Variants in APBA2 observed in about 807,000 individuals in gnomAD.
APBA2 encodes amyloid beta precursor protein binding family A member 2.
Under a neutral mutation model 75.0 loss-of-function variants are expected in APBA2, and 30 were observed. That is an observed-to-expected ratio of 0.40 (90% CI 0.30 to 0.54). The LOEUF is 0.54. APBA2 is among the 20% of genes least tolerant of loss of function. The probability of loss-of-function intolerance (pLI) is 0.49; values close to 1 mark genes in which losing one functional copy is unlikely to be tolerated. For synonymous variants in APBA2, 444 were observed against 409.6 expected (o/e 1.08, Z -1.01); for missense variants, 801 against 1,016.1 (o/e 0.79, Z 2.88).
At chr15:29,115,498 G>C (rs916988444) in intron 14 of APBA2, among the ~76,000 whole-genome samples, 5 of 152,052 alleles carry the variant, frequency 3.3e-5, no homozygotes, top group African/African-American at 1.2e-4. Flanking sequence ...TGAAGCGGCC[G>C]CCCCCACGGC....
At chr15:28,990,080 T>G (rs2038140593) in intron 2 of APBA2, among the ~76,000 whole-genome samples, 1 of 152,146 alleles carries the variant, frequency 6.6e-6, no homozygotes, top group Non-Finnish European at 1.5e-5. Flanking sequence ...ACGGACTTAC[T>G]GAAGATTACA....
At chr15:28,925,897 A>G (rs11073257) in intron 2 of APBA2, among the ~76,000 whole-genome samples, 54,677 of 152,072 alleles carry the variant, frequency 0.36, 17,245 homozygotes, top group African/African-American at 0.84. Context: ...ACATCCTCTT[A>G]AAAATTGATT....
At chr15:29,057,636 T>C (rs972792022) in intron 4 of APBA2, among the ~76,000 whole-genome samples, 2 of 152,240 alleles carry the variant, frequency 1.3e-5, no homozygotes, top group African/African-American at 4.8e-5. Context: ...TGATAAATGT[T>C]TCTCCATGTC....
chr15:28,986,505 TA>T (rs1262973590), intron 2 of APBA2, among the ~76,000 whole-genome samples: 5 of 152,180 alleles, frequency 3.3e-5, no homozygotes, highest in Non-Finnish European at 5.9e-5. Flanking sequence ...TTTTAATTAT[TA>T]AAAAAATTTT....
At chr15:28,922,928 G>A (rs2034054267) in intron 2 of APBA2, among the ~76,000 whole-genome samples, 1 of 152,194 alleles carries the variant, frequency 6.6e-6, no homozygotes, top group Admixed American at 6.5e-5. Flanking sequence ...TGAGAGAACT[G>A]AGGTTGTTGC....
At chr15:29,081,041 G>C (rs555617439) in intron 6 of APBA2, among the ~76,000 whole-genome samples, 4 of 152,134 alleles carry the variant, frequency 2.6e-5, no homozygotes, top group African/African-American at 7.2e-5. Context: ...CATGTGGAAG[G>C]CATGGAGATT....
In APBA2 at chr15:29,054,517, C is replaced by T; in HGVS notation, c.633C>T (p.Arg211=). Residue 211 remains arginine, a synonymous_variant, in exon 4 of 15, where the codon CGC becomes CGT. Coordinates refer to ENST00000683413, the MANE Select transcript of APBA2 (RefSeq NM_001353788.2). The surrounding 1 kb of genome is among the most constrained non-coding windows in gnomAD (Gnocchi z 6.1). The stretch of plus-strand genomic sequence containing the variant: ...GGAACACCGGCGCCTCCCCCTACCG[C>T]CTGAGGCGTGGGGATGGGGACCTGG... ...ANGNTGASPY[R]LRRGDGDLED... 6.2e-7 allele frequency: 1 copy of T among 1,613,490 alleles called. No individual in the cohort carries two copies. The highest frequency in any genetic ancestry group is 8.5e-7 in the Non-Finnish European group (1 of 1,179,748).
At chr15:29,015,331 TC>T (rs1346186778) in intron 3 of APBA2, among the ~76,000 whole-genome samples, 1 of 152,164 alleles carries the variant, frequency 6.6e-6, no homozygotes. Flanking sequence ...TTCATTTATT[TC>T]TTTACAGCAT....
At chr15:28,974,379 G>T (rs1271262014) in intron 2 of APBA2, among the ~76,000 whole-genome samples, 1 of 152,200 alleles carries the variant, frequency 6.6e-6, no homozygotes, top group Non-Finnish European at 1.5e-5. Context: ...GGGACACGCA[G>T]TTCCAGGACA....
chr15:29,084,056 G>A (rs2152936558), intron 6 of APBA2, among the ~76,000 whole-genome samples: 1 of 152,250 alleles, frequency 6.6e-6, no homozygotes, highest in South Asian at 2.1e-4. Context: ...TTTTGTAAAT[G>A]CTGACTTTCA....
chr15:28,982,018 G>A (rs922999168), intron 2 of APBA2, among the ~76,000 whole-genome samples: 8 of 152,160 alleles, frequency 5.3e-5, no homozygotes, highest in Non-Finnish European at 8.8e-5. Flanking sequence ...GGGTGACAGC[G>A]GGGCAAGGGT....
chr15:28,962,507 T>TA (rs1456669364), intron 2 of APBA2, among the ~76,000 whole-genome samples: 1 of 152,066 alleles, frequency 6.6e-6, no homozygotes, highest in Non-Finnish European at 1.5e-5. Context: ...AGGCGGAGGT[T>TA]ACAGTGAGCA....
At chr15:28,945,843 G>A (rs2035517575) in intron 2 of APBA2, among the ~76,000 whole-genome samples, 1 of 152,126 alleles carries the variant, frequency 6.6e-6, no homozygotes, top group Non-Finnish European at 1.5e-5. Context: ...TTGATGGAGG[G>A]AAAACACACT....
intron 3 of APBA2, among the ~76,000 whole-genome samples, chr15:29,015,894 C>G (rs567542156): frequency 6.6e-6 from 1 of 152,290 alleles, no homozygotes; most frequent in South Asian, 2.1e-4. Flanking sequence ...GGCCACTGCC[C>G]CCTGGCCCCC....
At chr15:28,932,940 G>A (rs2034640535) in intron 2 of APBA2, among the ~76,000 whole-genome samples, 2 of 152,102 alleles carry the variant, frequency 1.3e-5, no homozygotes, top group Non-Finnish European at 2.9e-5. Context: ...AACATTATTT[G>A]GCTCAGAGTT....
intron 3 of APBA2, among the ~76,000 whole-genome samples, chr15:29,038,781 C>T (rs537238266): frequency 2.0e-4 from 29 of 145,396 alleles, no homozygotes; most frequent in Admixed American, 3.6e-4. Context: ...TCAAATGATT[C>T]TCTTGCCTCA....
intron 13 of APBA2, among the ~76,000 whole-genome samples, chr15:29,111,174 T>C (rs2044709036): frequency 6.6e-6 from 1 of 151,242 alleles, no homozygotes; most frequent in Non-Finnish European, 1.5e-5. Context: ...CTGCCCTGGG[T>C]CTAGGGTCTG....
intron 2 of APBA2, among the ~76,000 whole-genome samples, chr15:28,980,118 G>T (rs1394674464): frequency 6.6e-6 from 1 of 152,138 alleles, no homozygotes; most frequent in Non-Finnish European, 1.5e-5. Flanking sequence ...TTCAGCACTG[G>T]CCGTGTAGGT....
chr15:29,082,587 CT>C (rs1405064285), intron 6 of APBA2, among the ~76,000 whole-genome samples: 1 of 152,120 alleles, frequency 6.6e-6, no homozygotes, highest in Non-Finnish European at 1.5e-5. Context: ...GAAATGAACC[CT>C]TTGGTTTGTA....
Sources: allele counts gnomAD v4.1 joint callset (sites outside exome capture counted in the v4.1 genomes callset), GRCh38; gene constraint gnomAD v4.1.1; non-coding constraint Gnocchi (gnomAD v3.1); transcripts MANE v1.5; gene names NCBI Gene and HGNC (gene_info 2026-07-23, HGNC 2026-07-21).